CDC16: variants seen among roughly 807,000 people sequenced by gnomAD.
The protein encoded by CDC16 is cell division cycle 16, also known as cell division cycle protein 16 homolog.
Under a neutral mutation model 87.0 loss-of-function variants are expected in CDC16, and 34 were observed. The ratio of observed to expected loss-of-function variants is 0.39; its 90% CI spans 0.30 to 0.52. CDC16 has a LOEUF of 0.52. CDC16 is among the 20% of genes least tolerant of loss of function. The pLI is 0.74. For synonymous variants in CDC16, 263 were observed against 260.6 expected, an observed-to-expected ratio of 1.01 and a Z score of -0.09; for missense variants, 653 against 751.9, an observed-to-expected ratio of 0.87 and a Z score of 1.54.
chr13:114,234,947 C>T lies in CDC16; in HGVS notation c.-138C>T, dbSNP rs2081162406. Reference sequence around the variant, plus strand: ...GCGGGTGTGGGTGGGGACCTGCGGCCTTCGAGTCCGCGGCCTTCGAGTCCT... The same window carrying T: ...GCGGGTGTGGGTGGGGACCTGCGGCTTTCGAGTCCGCGGCCTTCGAGTCCT... On this transcript the variant is annotated 5_prime_UTR_variant, in exon 1 of 18. Coordinates refer to ENST00000356221, the MANE Select transcript of CDC16 (RefSeq NM_001078645.3). The T allele has an allele frequency of 5.7e-6, 3 of 529,632 alleles. No homozygotes were observed. The highest frequency in any genetic ancestry group is 2.9e-6 in the Non-Finnish European group (1 of 348,376). The allele number at this position is 529,632 out of a possible 1,614,324, so 32.8% of individuals were successfully genotyped here.
At chr13:114,249,531 G>C (rs191977698) in intron 11 of CDC16, among the ~76,000 whole-genome samples, 1 of 152,188 alleles carries the variant, frequency 6.6e-6, no homozygotes, top group Admixed American at 6.5e-5. Context: ...CAAGGAAGTA[G>C]GGTATCACCC....
chr13:114,267,075 G>A (rs1298052968), intron 17 of CDC16, among the ~76,000 whole-genome samples: 3 of 152,158 alleles, frequency 2.0e-5, no homozygotes, highest in Non-Finnish European at 4.4e-5. Context: ...AATACATGAG[G>A]TTAAACAGTA....
At chr13:114,270,276 G>A (rs939068773) in intron 17 of CDC16, among the ~76,000 whole-genome samples, 2 of 152,090 alleles carry the variant, frequency 1.3e-5, no homozygotes, top group African/African-American at 2.4e-5. Flanking sequence ...TCCGGAACAG[G>A]AGGGATTGAG....
intron 5 of CDC16, among the ~76,000 whole-genome samples, chr13:114,240,359 G>A (rs1329386687): frequency 5.9e-5 from 9 of 151,976 alleles, no homozygotes; most frequent in South Asian, 4.2e-4. Flanking sequence ...ACAGGCGCCC[G>A]CCACCATGCC....
intron 9 of CDC16, among the ~76,000 whole-genome samples, 193 bp downstream of exon 9, chr13:114,245,162 G>T (rs141643547): frequency 6.6e-6 from 1 of 151,874 alleles, no homozygotes; most frequent in Non-Finnish European, 1.5e-5. Flanking sequence ...TTTCCCATCA[G>T]AACAATTAGT....
At chr13:114,253,068 C>T (rs1445525103) in intron 12 of CDC16, among the ~76,000 whole-genome samples, 1 of 152,190 alleles carries the variant, frequency 6.6e-6, no homozygotes, top group Non-Finnish European at 1.5e-5. Context: ...CCACCACAAT[C>T]CAGCCTGGGT....
At chr13:114,271,688 A>C (rs544709637) in intron 17 of CDC16, among the ~76,000 whole-genome samples, 17 of 151,832 alleles carry the variant, frequency 1.1e-4, no homozygotes, top group South Asian at 8.3e-4. Context: ...TCACCGTGTT[A>C]GCCAGGATGG....
At chr13:114,246,836 A>G in intron 10 of CDC16, 95 bp from the exon 11 acceptor site, 2 of 781,424 alleles carry the variant, frequency 2.6e-6, no homozygotes, top group Non-Finnish European at 4.6e-6. Context: ...GATAAGGAAC[A>G]TGTAGTATAC....
chr13:114,238,526 G>C (rs1282751298), intron 3 of CDC16, among the ~76,000 whole-genome samples: 1 of 150,312 alleles, frequency 6.7e-6, no homozygotes, highest in African/African-American at 2.5e-5. Flanking sequence ...CTCCTCGGAC[G>C]CCCAGCAGTT....
intron 17 of CDC16, among the ~76,000 whole-genome samples, chr13:114,268,412 A>G (rs1249061996): frequency 6.6e-6 from 1 of 152,054 alleles, no homozygotes; most frequent in East Asian, 1.9e-4. Context: ...GTGAAAGTAT[A>G]CTCCACAGAG....
At chr13:114,247,526 A>G (rs1391567870) in intron 11 of CDC16, among the ~76,000 whole-genome samples, 2 of 151,328 alleles carry the variant, frequency 1.3e-5, no homozygotes, top group East Asian at 1.9e-4. Flanking sequence ...GAGAGAGAGA[A>G]AAAAAAAATC....
At chr13:114,239,256 A>G (rs2081419020) in intron 4 of CDC16, 94 bp from the exon 5 acceptor site, 3 of 1,499,604 alleles carry the variant, frequency 2.0e-6, no homozygotes, top group East Asian at 4.6e-5. Context: ...CATTTAAATA[A>G]TGGGCATAGT....
chr13:114,269,026 G>A (rs2139206931), intron 17 of CDC16, among the ~76,000 whole-genome samples: 1 of 152,164 alleles, frequency 6.6e-6, no homozygotes, highest in Admixed American at 6.5e-5. Context: ...CTCTATTGCT[G>A]CCTAACCACT....
At chr13:114,259,668 A>G (rs1183938731) in intron 14 of CDC16, among the ~76,000 whole-genome samples, 1 of 152,236 alleles carries the variant, frequency 6.6e-6, no homozygotes, top group Non-Finnish European at 1.5e-5. Flanking sequence ...TTGGGTGATT[A>G]TTTGAAGCTA....
At position 114,242,143 on chromosome 13, in the gene CDC16, T is replaced by C; in HGVS notation, c.404T>C (p.Leu135Pro). The C allele has an allele frequency of 1.2e-6, 2 of 1,611,106 alleles. No individual in the cohort carries two copies. Among genetic ancestry groups the C allele is most frequent in the Non-Finnish European group, 1.7e-6 (2 of 1,179,232 alleles). ...CAGATAAAGAGTTCTATCTGTCTTC[T>C]ACGCGGGAAAATCTATGATGCTCTA... The part of the protein sequence containing the change: ...QSSIKSSICL[L>P]RGKIYDALDN... Residue 135 changes from leucine (L) to proline (P), a missense_variant, in exon 6 of 18, where the codon CTA (leucine) becomes CCA (proline). Coordinates refer to ENST00000356221, the MANE Select transcript of CDC16 (RefSeq NM_001078645.3).
chr13:114,266,176 T>C (rs2083200783), intron 17 of CDC16, among the ~76,000 whole-genome samples: 1 of 152,210 alleles, frequency 6.6e-6, no homozygotes, highest in African/African-American at 2.4e-5. Context: ...GGTAATGTGA[T>C]ACAAAACAGA....
rs762987112 is a variant in CDC16 at position 114,243,281 on chromosome 13, C to G, written c.566C>G (p.Pro189Arg). ...QEEKELLESL[P>R]LSKLCNEEQE... ...GAAAAAGAACTTCTTGAATCACTAC[C>G]CCTTAGCAAGCTGTGTAATGAAGAA... The change falls in exon 7 of 18, where the codon CCC becomes CGC. Residue 189 changes from proline to arginine, a missense_variant. Pro to Arg is a moderately radical substitution (Grantham distance 103, BLOSUM62 -2). Coordinates refer to ENST00000356221, the MANE Select transcript of CDC16 (RefSeq NM_001078645.3). 1.3e-6 allele frequency: 2 copies of G among 1,561,486 alleles called. No homozygotes were observed. Among genetic ancestry groups the G allele is most frequent in the Admixed American group, 1.7e-5 (1 of 59,538 alleles).
rs17291410 is a variant in CDC16, at chr13:114,259,335, A to G, written c.1251A>G (p.Glu417=). Residue 417 remains glutamate, a splice_region_variant and synonymous_variant, in exon 14 of 18, where the codon GAA becomes GAG. Transcript: ENST00000356221. ...GCAACCTTTTTTCCTTTCATTTTAG[A>G]TGGAAAACAGCCGAAAAATGGTTTC... is the stretch of plus-strand genomic sequence containing the variant. ...EVGVVAFQNG[E]WKTAEKWFLD... 4.1e-4 allele frequency: 648 copies of G among 1,568,306 alleles called. 2 individuals carry two copies. The African/African-American group carries it at 8.2e-3, about 20-fold the overall frequency.
chr13:114,259,329 T>C lies in CDC16; in HGVS notation c.1251-6T>C. 2 of 1,566,428 alleles carry C rather than the reference T, an allele frequency of 1.3e-6. No individual in the cohort carries two copies. Among genetic ancestry groups the C allele is most frequent in the Non-Finnish European group, 1.7e-6 (2 of 1,166,846 alleles). On this transcript the variant is annotated splice_region_variant and splice_polypyrimidine_tract_variant and intron_variant, in intron 13 of 17. Coordinates refer to ENST00000356221, the MANE Select transcript of CDC16 (RefSeq NM_001078645.3). ...TAATCTGCAACCTTTTTTCCTTTCA[T>C]TTTAGATGGAAAACAGCCGAAAAAT... is the stretch of plus-strand genomic sequence containing the variant.
Sources: allele counts gnomAD v4.1 joint callset (sites outside exome capture counted in the v4.1 genomes callset), GRCh38; gene constraint gnomAD v4.1.1; transcripts MANE v1.5; gene names NCBI Gene and HGNC (gene_info 2026-07-23, HGNC 2026-07-21).